ASAP1: variants seen among roughly 807,000 people sequenced by gnomAD.
ASAP1 encodes the protein arf-GAP with SH3 domain, ANK repeat and PH domain-containing protein 1.
In ASAP1, 43 loss-of-function variants were observed where a neutral mutation model predicts 145.2. The observed-to-expected ratio is 0.30, with a 90% CI of 0.23 to 0.38. ASAP1 has a LOEUF of 0.38. Among genes scored for constraint, ASAP1 ranks in the 10% least tolerant of loss-of-function variants. ASAP1 has a pLI of 1.00. For synonymous variants in ASAP1, 546 were observed against 515.5 expected, an observed-to-expected ratio of 1.06 and a Z score of -0.80; for missense variants, 1,018 against 1,355.3, an observed-to-expected ratio of 0.75 and a Z score of 3.91.
Position 130,079,796 on chromosome 8 carries a change from CCA to C in ASAP1, c.2642+104_2642+105del. The C allele has an allele frequency of 1.7e-6, 2 of 1,204,696 alleles. 1 individual carries two copies. Among genetic ancestry groups the C allele is most frequent in the South Asian group, 2.6e-5 (2 of 76,856 alleles). The allele number at this position is 1,204,696 out of a possible 1,614,324, so 74.6% of individuals were successfully genotyped here. The stretch of plus-strand genomic sequence containing the variant: ...GTTGTGGCCTGCCCCACTTGGCTGA[CCA>C]CAGCTTTGAGCAGCGCTGGGAAATT... On this transcript the variant is annotated intron_variant, in intron 26 of 29. Coordinates refer to ENST00000518721, the MANE Select transcript of ASAP1 (RefSeq NM_018482.4).
At chr8:130,112,737 C>T (rs2097548851) in intron 23 of ASAP1, among the ~76,000 whole-genome samples, 1 of 152,168 alleles carries the variant, frequency 6.6e-6, no homozygotes. Flanking sequence ...TCTTTCTTTG[C>T]CTCTTTTCTC....
chr8:130,201,384 G>A (rs1815859668), intron 5 of ASAP1, among the ~76,000 whole-genome samples: 2 of 152,160 alleles, frequency 1.3e-5, no homozygotes, highest in African/African-American at 4.8e-5. Context: ...TACTCATAAA[G>A]TACATTTTAC....
intron 29 of ASAP1, among the ~76,000 whole-genome samples, chr8:130,056,787 G>A (rs1191109232): frequency 6.6e-6 from 1 of 152,234 alleles, no homozygotes; most frequent in Non-Finnish European, 1.5e-5. Context: ...CCTCTTGGCA[G>A]GACGGGGCTC....
intron 27 of ASAP1, among the ~76,000 whole-genome samples, chr8:130,073,502 T>C (rs1047818579): frequency 1.3e-5 from 2 of 152,018 alleles, no homozygotes; most frequent in Admixed American, 1.3e-4. Context: ...AAGCAGTCCA[T>C]GACCACGGCC....
intron 4 of ASAP1, among the ~76,000 whole-genome samples, chr8:130,226,962 T>G (rs1817619913): frequency 1.3e-5 from 2 of 152,212 alleles, no homozygotes; most frequent in African/African-American, 2.4e-5. Context: ...ACAGTATGAC[T>G]ACCCAATGGA....
At chr8:130,212,023 G>A (rs1246391412) in intron 5 of ASAP1, among the ~76,000 whole-genome samples, 2 of 152,152 alleles carry the variant, frequency 1.3e-5, no homozygotes, top group African/African-American at 4.8e-5. Flanking sequence ...GACCCCCTCG[G>A]GGTGAGTTGG....
chr8:130,425,574 G>A (rs1324119472), intron 1 of ASAP1, among the ~76,000 whole-genome samples: 1 of 152,102 alleles, frequency 6.6e-6, no homozygotes, highest in Non-Finnish European at 1.5e-5. Flanking sequence ...GACCAGCAGA[G>A]GGAACAGACA....
intron 3 of ASAP1, among the ~76,000 whole-genome samples, chr8:130,345,889 CA>C (rs1041007349): frequency 3.3e-5 from 5 of 152,198 alleles, no homozygotes; most frequent in Non-Finnish European, 5.9e-5. Context: ...TTGCAGACAC[CA>C]AAAGGACAGA....
chr8:130,199,089 G>A (rs576481687), intron 5 of ASAP1, among the ~76,000 whole-genome samples: 1 of 152,198 alleles, frequency 6.6e-6, no homozygotes, highest in South Asian at 2.1e-4. Flanking sequence ...TAATAAATAA[G>A]TCCCTTCTCC....
intron 2 of ASAP1, among the ~76,000 whole-genome samples, chr8:130,399,294 A>G (rs952994558): frequency 6.6e-6 from 1 of 152,156 alleles, no homozygotes; most frequent in African/African-American, 2.4e-5. Flanking sequence ...TAGGTAAGAG[A>G]GACACTTCTC....
intron 4 of ASAP1, among the ~76,000 whole-genome samples, chr8:130,219,259 CAT>C (rs1240698068): frequency 3.2e-5 from 4 of 126,246 alleles, no homozygotes; most frequent in East Asian, 2.6e-4. Flanking sequence ...AGATCACACA[CAT>C]GTCCCCTAAC....
intron 3 of ASAP1, among the ~76,000 whole-genome samples, chr8:130,276,961 G>A (rs1307714953): frequency 6.6e-6 from 1 of 152,140 alleles, no homozygotes; most frequent in Non-Finnish European, 1.5e-5. Context: ...CTGCTGCTGA[G>A]GGAGGTCAGT....
At chr8:130,128,452 G>T (rs1052113996) in intron 15 of ASAP1, among the ~76,000 whole-genome samples, 3 of 152,096 alleles carry the variant, frequency 2.0e-5, no homozygotes, top group African/African-American at 7.2e-5. Flanking sequence ...CTCAATGAGG[G>T]ACCCATCCAA....
chr8:130,203,520 G>C (rs1322083765), intron 5 of ASAP1, among the ~76,000 whole-genome samples: 1 of 152,202 alleles, frequency 6.6e-6, no homozygotes, highest in Non-Finnish European at 1.5e-5. Flanking sequence ...GGTATGTGGA[G>C]GTGAGGAGAG....
chr8:130,328,147 C>T (rs1824454822), intron 3 of ASAP1, among the ~76,000 whole-genome samples: 1 of 152,216 alleles, frequency 6.6e-6, no homozygotes, highest in East Asian at 1.9e-4. Context: ...ATGCATTTCT[C>T]GCCTATCATC....
intron 3 of ASAP1, among the ~76,000 whole-genome samples, chr8:130,280,350 G>C (rs1262361148): frequency 6.6e-6 from 1 of 152,340 alleles, no homozygotes; most frequent in Non-Finnish European, 1.5e-5. Flanking sequence ...ATTCAATTGT[G>C]ATTATATGTC....
In ASAP1 at chr8:130,182,820, C is replaced by A. The variant is rs1250563153; in HGVS notation, c.531-1940G>T. The stretch of plus-strand genomic sequence containing the variant: ...GCATCTATGAAACAAGAAATAGAAA[C>A]TATAAAAAGGCAAAAAAAAAAAAAA... On this transcript the variant is annotated intron_variant, in intron 7 of 29. Transcript: ENST00000518721. Among the ~76,000 whole-genome samples the A allele has an allele frequency of 1.5e-3, 92 of 62,364 alleles. 1 individual carries two copies. The highest frequency in any genetic ancestry group is 4.9e-3 in the African/African-American group (86 of 17,510). 40.9% of individuals were successfully genotyped at this position (62,364 alleles called of 152,430 possible). A position where few individuals can be genotyped will look rare whatever the true frequency, so the allele number is the denominator to read the frequency against.
chr8:130,139,759 CA>C (rs71572327), intron 13 of ASAP1, among the ~76,000 whole-genome samples: 61 of 139,678 alleles, frequency 4.4e-4, no homozygotes, highest in African/African-American at 4.7e-4. Context: ...AAACAAAAAA[CA>C]AAAAAAAAAA....
At chr8:130,306,747 T>C (rs1394219077) in intron 3 of ASAP1, among the ~76,000 whole-genome samples, 1 of 152,230 alleles carries the variant, frequency 6.6e-6, no homozygotes, top group Non-Finnish European at 1.5e-5. Flanking sequence ...ACCACATAAA[T>C]TCTTCAGCTA....
Sources: gnomAD v4.1 joint callset for allele counts (sites outside exome capture counted in the v4.1 genomes callset) on GRCh38, gnomAD v4.1.1 for gene constraint, MANE v1.5 for transcripts, NCBI Gene and HGNC (gene_info 2026-07-23, HGNC 2026-07-21) for gene names.